Variants in AFF3 observed in about 807,000 individuals in gnomAD.
AFF3 encodes ALF transcription elongation factor 3.
Under a neutral mutation model 129.7 loss-of-function variants are expected in AFF3, and 32 were observed. The ratio of observed to expected loss-of-function variants is 0.25; its 90% CI spans 0.19 to 0.33. AFF3 has a LOEUF of 0.33. Ranked by LOEUF, AFF3 falls within the 10% of genes least tolerant of loss-of-function variation. The pLI is 1.00. For missense variants in AFF3, 1,373 were observed against 1,592.0 expected (o/e 0.86, Z 2.34); for synonymous variants, 644 against 635.4 (o/e 1.01, Z -0.20).
intron 7 of AFF3, among the ~76,000 whole-genome samples, chr2:99,938,626 C>T (rs12465419): frequency 6.6e-6 from 1 of 152,100 alleles, no homozygotes; most frequent in African/African-American, 2.4e-5. Context: ...GTGGGTGGGC[C>T]TCATCCAATT....
intron 11 of AFF3, among the ~76,000 whole-genome samples, chr2:99,718,846 G>C (rs1678617205): frequency 1.3e-5 from 2 of 151,812 alleles, no homozygotes; most frequent in Admixed American, 6.6e-5. Flanking sequence ...TGCCTCCCGG[G>C]TTCATGCCAT....
intron 4 of AFF3, among the ~76,000 whole-genome samples, chr2:100,062,231 A>G (rs569186580): frequency 6.6e-6 from 1 of 152,310 alleles, no homozygotes; most frequent in Admixed American, 6.5e-5. Context: ...CTGCCAGAGT[A>G]AGGTGGCTGC....
intron 14 of AFF3, among the ~76,000 whole-genome samples, chr2:99,596,521 T>C (rs886069188): frequency 9.2e-5 from 14 of 152,144 alleles, no homozygotes; most frequent in African/African-American, 3.1e-4. Flanking sequence ...TAAACAGGAA[T>C]GGATGCTGAA....
intron 15 of AFF3, among the ~76,000 whole-genome samples, chr2:99,592,926 A>ACC (rs1678835859): frequency 4.7e-5 from 5 of 105,804 alleles, no homozygotes; most frequent in Non-Finnish European, 5.7e-5. Context: ...ACAGAGTGAG[A>ACC]CTCCCTCCCC....
intron 9 of AFF3, among the ~76,000 whole-genome samples, chr2:99,747,014 A>T (rs1681216651): frequency 6.6e-6 from 1 of 151,878 alleles, no homozygotes; most frequent in East Asian, 1.9e-4. Flanking sequence ...AACACAAAAT[A>T]TAATTATTTT....
chr2:100,130,063 C>T (rs1226928637), intron 1 of AFF3, among the ~76,000 whole-genome samples: 1 of 152,174 alleles, frequency 6.6e-6, no homozygotes, highest in Non-Finnish European at 1.5e-5. Context: ...CAGCGGGAAT[C>T]CCTGTCCTAA....
chr2:99,651,861 C>G (rs1290471656), intron 12 of AFF3, among the ~76,000 whole-genome samples: 1 of 152,140 alleles, frequency 6.6e-6, no homozygotes, highest in Non-Finnish European at 1.5e-5. Context: ...GAACCATTTT[C>G]TCTGTTATGG....
intron 7 of AFF3, among the ~76,000 whole-genome samples, chr2:99,885,313 A>G (rs141037393): frequency 1.9e-3 from 282 of 152,160 alleles, no homozygotes; most frequent in African/African-American, 6.3e-3. Context: ...TCAAAACCCA[A>G]TGACCACACT....
chr2:100,137,538 C>T (rs1004512257), intron 1 of AFF3, among the ~76,000 whole-genome samples: 1 of 136,694 alleles, frequency 7.3e-6, no homozygotes, highest in African/African-American at 2.7e-5. Flanking sequence ...CACGTGCATA[C>T]ACACACACAC....
chr2:99,805,121 T>TAA (rs1403203851), intron 8 of AFF3, among the ~76,000 whole-genome samples: 13 of 152,168 alleles, frequency 8.5e-5, no homozygotes, highest in African/African-American at 3.1e-4. Context: ...CTTAGTGTAA[T>TAA]TGACAGCAAA....
At chr2:99,875,627 C>A (rs1011270490) in intron 7 of AFF3, among the ~76,000 whole-genome samples, 1 of 152,154 alleles carries the variant, frequency 6.6e-6, no homozygotes, top group African/African-American at 2.4e-5. Context: ...GCTCTTCCTC[C>A]ACCAGGGGTA....
At chr2:100,130,526 C>T (rs993171144) in intron 1 of AFF3, among the ~76,000 whole-genome samples, 13 of 152,242 alleles carry the variant, frequency 8.5e-5, no homozygotes, top group African/African-American at 2.7e-4. Context: ...TCTCCATCCA[C>T]GGGCTCAGCC....
At chr2:99,875,180 G>A (rs887875191) in intron 7 of AFF3, among the ~76,000 whole-genome samples, 17 of 152,156 alleles carry the variant, frequency 1.1e-4, no homozygotes, top group African/African-American at 3.9e-4. Context: ...CCATCTCCTT[G>A]TCCAGCTCAG....
intron 7 of AFF3, among the ~76,000 whole-genome samples, chr2:99,853,435 A>G (rs1488899252): frequency 2.6e-5 from 4 of 152,208 alleles, no homozygotes; most frequent in Non-Finnish European, 5.9e-5. Context: ...CTGTTCAAGA[A>G]AAAGGAATGT....
intron 14 of AFF3, among the ~76,000 whole-genome samples, chr2:99,600,911 T>C (rs1376914580): frequency 2.0e-5 from 3 of 152,202 alleles, no homozygotes; most frequent in Admixed American, 2.0e-4. Context: ...GATGCTAATT[T>C]TTCTTTTTCT....
chr2:99,893,114 A>G (rs570459054), intron 7 of AFF3, among the ~76,000 whole-genome samples: 3 of 152,206 alleles, frequency 2.0e-5, no homozygotes, highest in African/African-American at 7.2e-5. Flanking sequence ...GTGAACCATG[A>G]CCATTAACAG....
chr2:99,728,400 C>G (rs11123793), intron 10 of AFF3, among the ~76,000 whole-genome samples: 111,802 of 152,078 alleles, frequency 0.74, 41,934 homozygotes, highest in East Asian at 0.92. Flanking sequence ...CTACTGCTCA[C>G]GTCCTTGGGC....
chr2:100,079,278 G>C (rs1283273794), intron 4 of AFF3, among the ~76,000 whole-genome samples: 1 of 152,140 alleles, frequency 6.6e-6, no homozygotes, highest in Non-Finnish European at 1.5e-5. Flanking sequence ...AAGTTTGGTT[G>C]AATCCACAGA....
chr2:99,985,083 G>A (rs1264396945), intron 7 of AFF3, among the ~76,000 whole-genome samples: 1 of 152,196 alleles, frequency 6.6e-6, no homozygotes, highest in Non-Finnish European at 1.5e-5. Context: ...TCCTGGTTAT[G>A]TCTGCAGCAA....
Sources: gnomAD v4.1 joint callset for allele counts (sites outside exome capture counted in the v4.1 genomes callset) on GRCh38, gnomAD v4.1.1 for gene constraint, MANE v1.5 for transcripts, NCBI Gene and HGNC (gene_info 2026-07-23, HGNC 2026-07-21) for gene names.